Variants in DNER observed in about 807,000 individuals in gnomAD.
DNER encodes the protein delta and Notch-like epidermal growth factor-related receptor.
A neutral mutation model predicts 78.2 loss-of-function variants in DNER; 33 were observed. The observed-to-expected ratio is 0.42, with a 90% CI of 0.32 to 0.56. The LOEUF is 0.56. Ranked by LOEUF, DNER falls within the 20% of genes least tolerant of loss-of-function variation. The pLI is 0.11. For synonymous variants in DNER, 417 were observed against 384.8 expected (o/e 1.08, Z -0.98); for missense variants, 918 against 975.3 (o/e 0.94, Z 0.78).
chr2:229,459,953 C>A (rs191013289), intron 7 of DNER, among the ~76,000 whole-genome samples: 1 of 151,588 alleles, frequency 6.6e-6, no homozygotes, highest in Non-Finnish European at 1.5e-5. Flanking sequence ...GTCAAAAGAT[C>A]GAGACCATCC....
At chr2:229,452,227 G>C (rs1694472523) in intron 7 of DNER, among the ~76,000 whole-genome samples, 1 of 152,186 alleles carries the variant, frequency 6.6e-6, no homozygotes, top group African/African-American at 2.4e-5. Context: ...GAATAATTGA[G>C]GTTGTGAAGG....
At chr2:229,600,101 C>T (rs1056946305) in intron 1 of DNER, among the ~76,000 whole-genome samples, 6 of 152,184 alleles carry the variant, frequency 3.9e-5, no homozygotes, top group Admixed American at 3.9e-4. Flanking sequence ...CAACATTTCC[C>T]AGATGATTCT....
At chr2:229,481,006 G>C (rs977477285) in intron 6 of DNER, among the ~76,000 whole-genome samples, 9 of 152,128 alleles carry the variant, frequency 5.9e-5, no homozygotes, top group Non-Finnish European at 8.8e-5. Context: ...GGGAGGCAGG[G>C]GTGAGATCAC....
intron 4 of DNER, among the ~76,000 whole-genome samples, chr2:229,554,570 T>G (rs1195327314): frequency 6.6e-6 from 1 of 152,166 alleles, no homozygotes; most frequent in Non-Finnish European, 1.5e-5. Context: ...CATGTGCCTG[T>G]AATTCCAGCT....
intron 2 of DNER, among the ~76,000 whole-genome samples, chr2:229,589,639 C>T (rs1011751493): frequency 6.6e-6 from 1 of 152,058 alleles, no homozygotes; most frequent in African/African-American, 2.4e-5. Flanking sequence ...CTTTTTTACA[C>T]TTACCAACTG....
At chr2:229,585,674 A>G (rs985335004) in intron 4 of DNER, among the ~76,000 whole-genome samples, 184 bp downstream of exon 4, 2 of 151,768 alleles carry the variant, frequency 1.3e-5, no homozygotes, top group Non-Finnish European at 1.5e-5. Flanking sequence ...AAAAAAAAAA[A>G]GAAAAAAAGA....
At chr2:229,613,983 A>G (rs926661987) in intron 1 of DNER, among the ~76,000 whole-genome samples, 2 of 149,498 alleles carry the variant, frequency 1.3e-5, no homozygotes, top group Non-Finnish European at 3.0e-5. Flanking sequence ...CAATGAGAAC[A>G]CATGGACACA....
chr2:229,695,360 C>A (rs138203566), intron 1 of DNER, among the ~76,000 whole-genome samples: 112 of 151,662 alleles, frequency 7.4e-4, no homozygotes, highest in African/African-American at 2.5e-3. Flanking sequence ...AGCATGTAAC[C>A]CTTCATGTAA....
intron 5 of DNER, among the ~76,000 whole-genome samples, chr2:229,521,043 G>A (rs559975437): frequency 6.6e-5 from 10 of 152,296 alleles, no homozygotes; most frequent in South Asian, 4.1e-4. Context: ...CAGCCTTGGC[G>A]GAAGCAGAGG....
chr2:229,485,831 T>A (rs1352348649), intron 6 of DNER, among the ~76,000 whole-genome samples: 1 of 150,496 alleles, frequency 6.6e-6, no homozygotes, highest in East Asian at 1.9e-4. Flanking sequence ...AAAAAAAAAA[T>A]TCTCCTGTGT....
intron 5 of DNER, among the ~76,000 whole-genome samples, chr2:229,533,451 T>A (rs546456934): frequency 2.3e-4 from 35 of 152,254 alleles, no homozygotes; most frequent in African/African-American, 6.5e-4. Context: ...ATCATCACCA[T>A]CATCAGACAT....
At chr2:229,530,311 T>C (rs2154212800) in intron 5 of DNER, among the ~76,000 whole-genome samples, 1 of 152,330 alleles carries the variant, frequency 6.6e-6, no homozygotes. Flanking sequence ...ACTGATGTCC[T>C]ACATAATTAA....
chr2:229,603,357 G>A (rs144581415), intron 1 of DNER, among the ~76,000 whole-genome samples: 4,661 of 152,108 alleles, frequency 0.031, 217 homozygotes, highest in African/African-American at 0.097. Context: ...GCACATGTAT[G>A]CATATGTAAC....
chr2:229,573,366 T>A (rs1182541216), intron 4 of DNER, among the ~76,000 whole-genome samples: 1 of 152,168 alleles, frequency 6.6e-6, no homozygotes. Context: ...TCCCAATTAT[T>A]TATATTCTTC....
At chr2:229,368,585 A>G (rs1343654005) in intron 11 of DNER, among the ~76,000 whole-genome samples, 1 of 152,260 alleles carries the variant, frequency 6.6e-6, no homozygotes, top group African/African-American at 2.4e-5. Context: ...ACAATATCTT[A>G]TGAGTTTAAA....
chr2:229,462,688 T>A (rs1470390675), intron 7 of DNER, among the ~76,000 whole-genome samples: 1 of 152,146 alleles, frequency 6.6e-6, no homozygotes, highest in Non-Finnish European at 1.5e-5. Context: ...ATCATTTTCT[T>A]AAAATGTTAA....
chr2:229,518,232 T>G (rs1302955354), intron 5 of DNER, among the ~76,000 whole-genome samples: 1 of 152,236 alleles, frequency 6.6e-6, no homozygotes, highest in Non-Finnish European at 1.5e-5. Flanking sequence ...TATTACTGGA[T>G]AATTTAACTT....
intron 7 of DNER, among the ~76,000 whole-genome samples, chr2:229,458,150 A>AAAG (rs1272602931): frequency 6.7e-6 from 1 of 149,366 alleles, no homozygotes; most frequent in Non-Finnish European, 1.5e-5. Flanking sequence ...AAAAAAAAAA[A>AAAG]AAAAAAAAAA....
chr2:229,371,460 C>T (rs1028800838), intron 11 of DNER, among the ~76,000 whole-genome samples: 12 of 152,206 alleles, frequency 7.9e-5, no homozygotes, highest in South Asian at 4.1e-4. Flanking sequence ...GCACGAGCTG[C>T]TCAAGAAAAA....
Sources: gnomAD v4.1 joint callset for allele counts (sites outside exome capture counted in the v4.1 genomes callset) on GRCh38, gnomAD v4.1.1 for gene constraint, MANE v1.5 for transcripts, NCBI Gene and HGNC (gene_info 2026-07-23, HGNC 2026-07-21) for gene names.